SMCHD1: variants seen among roughly 807,000 people sequenced by gnomAD.
The protein encoded by SMCHD1 is structural maintenance of chromosomes flexible hinge domain-containing protein 1.
SMCHD1 carries 78 observed loss-of-function variants against 254.7 expected under a neutral mutation model. That is an observed-to-expected ratio of 0.31 (90% CI 0.26 to 0.37). The LOEUF (loss-of-function observed/expected upper bound fraction) is 0.37. Among genes scored for constraint, SMCHD1 ranks in the 10% least tolerant of loss-of-function variants. The pLI, the probability that SMCHD1 is intolerant of heterozygous loss-of-function variation, is 1.00. For missense variants in SMCHD1, 1,840 were observed against 2,408.1 expected, an observed-to-expected ratio of 0.76 and a Z score of 4.94; for synonymous variants, 766 against 794.9, an observed-to-expected ratio of 0.96 and a Z score of 0.61.
chr18:2,724,399 G>A lies in SMCHD1; in HGVS notation c.2604-500G>A, dbSNP rs570852727. On this transcript the variant is annotated intron_variant, in intron 20 of 47. Transcript: ENST00000320876. ...TGGAAGTAGATTAGGTGATGTCTTC[G>A]GTTTATGTCATCATAAGCCTGTCTG... Among the ~76,000 whole-genome samples, 50 of 151,646 alleles carry A rather than the reference G, an allele frequency of 3.3e-4. 1 individual carries two copies. The highest frequency in any genetic ancestry group is 3.0e-3 in the Admixed American group (46 of 15,190).
chr18:2,748,341 GTTGTGTGTGT>G (rs1568300324), intron 30 of SMCHD1, among the ~76,000 whole-genome samples: 15 of 100,344 alleles, frequency 1.5e-4, no homozygotes, highest in Admixed American at 4.1e-4. Flanking sequence ...TCTTTGCAAA[GTTGTGTGTGT>G]GTGTGTGTGT....
At chr18:2,735,999 C>A (rs1346784974) in intron 25 of SMCHD1, among the ~76,000 whole-genome samples, 2 of 152,236 alleles carry the variant, frequency 1.3e-5, no homozygotes, top group African/African-American at 4.8e-5. Flanking sequence ...CACTACCCAT[C>A]TTCAAACTGT....
chr18:2,791,016 A>G (rs2076310567), intron 45 of SMCHD1, among the ~76,000 whole-genome samples: 1 of 152,238 alleles, frequency 6.6e-6, no homozygotes, highest in Non-Finnish European at 1.5e-5. Flanking sequence ...CAAGGTAATC[A>G]AAGATGAAAA....
At chr18:2,712,423 C>T (rs764691680) in intron 17 of SMCHD1, among the ~76,000 whole-genome samples, 4 of 152,072 alleles carry the variant, frequency 2.6e-5, no homozygotes, top group South Asian at 2.1e-4. Context: ...TACAGTTGAC[C>T]GTTGAAAAAC....
intron 34 of SMCHD1, chr18:2,760,264 A>G (rs2143680818): frequency 6.1e-6 from 1 of 162,830 alleles, no homozygotes; most frequent in African/African-American, 2.4e-5. Flanking sequence ...AAAAAGTTAC[A>G]TAGAAGATCA....
chr18:2,672,190 G>C (rs2073625310), intron 3 of SMCHD1, among the ~76,000 whole-genome samples: 1 of 152,058 alleles, frequency 6.6e-6, no homozygotes, highest in Non-Finnish European at 1.5e-5. Flanking sequence ...GGAGTGTTTA[G>C]GGTGAGTAGA....
rs754679117 is a variant in SMCHD1 at position 2,697,859 on chromosome 18, C to T, written c.1160C>T (p.Pro387Leu). 4 of 1,612,412 alleles carry T rather than the reference C, an allele frequency of 2.5e-6. No individual in the cohort carries two copies. Among genetic ancestry groups the T allele is most frequent in the South Asian group, 1.1e-5 (1 of 91,018 alleles). The stretch of plus-strand genomic sequence containing the variant: ...TCTATGTTTGAAAAAGGGAAGGTAC[C>T]TAAGATTGTCAACCTAAGGGAAATA... ...EISMFEKGKV[P>L]KIVNLREIQD... is the part of the protein sequence containing the mutation. The change falls in exon 10 of 48, where the codon CCT (proline) becomes CTT (leucine). Residue 387 changes from proline to leucine, a missense_variant. This residue lies in a region of SMCHD1 where 498 missense variants were observed against 743.5 expected (regional missense o/e 0.67). Coordinates refer to ENST00000320876, the MANE Select transcript of SMCHD1 (RefSeq NM_015295.3).
At chr18:2,772,456 A>AC (rs1174584580) in intron 41 of SMCHD1, 84 bp downstream of exon 41, 2 of 1,190,736 alleles carry the variant, frequency 1.7e-6, no homozygotes, top group Non-Finnish European at 2.2e-6. Flanking sequence ...GTGACAAAAA[A>AC]GTGTCAGGTT....
At chr18:2,796,226 C>T in intron 46 of SMCHD1, 119 bp downstream of exon 46, 1 of 1,018,104 alleles carries the variant, frequency 9.8e-7, no homozygotes, top group Non-Finnish European at 1.4e-6. Flanking sequence ...AACAAAAACT[C>T]TTAACCTCCA....
At chr18:2,770,688 C>G (rs532324557) in intron 39 of SMCHD1, among the ~76,000 whole-genome samples, 1 of 152,050 alleles carries the variant, frequency 6.6e-6, no homozygotes, top group South Asian at 2.1e-4. Flanking sequence ...GTGGCACGAT[C>G]TCACTCACTG....
intron 25 of SMCHD1, among the ~76,000 whole-genome samples, chr18:2,733,684 G>A (rs997242508): frequency 1.5e-4 from 23 of 152,170 alleles, no homozygotes; most frequent in African/African-American, 5.6e-4. Flanking sequence ...TGCTTAAATT[G>A]TTTACTGATA....
intron 34 of SMCHD1, among the ~76,000 whole-genome samples, chr18:2,755,195 C>T (rs2075650064): frequency 6.6e-6 from 1 of 152,144 alleles, no homozygotes; most frequent in Non-Finnish European, 1.5e-5. Context: ...GCTGGGACTA[C>T]AGACCCACAG....
intron 19 of SMCHD1, among the ~76,000 whole-genome samples, chr18:2,720,569 G>A (rs1442344): frequency 0.2 from 30,858 of 152,010 alleles, 3,364 homozygotes; most frequent in South Asian, 0.33. Flanking sequence ...TTTAGGTCTT[G>A]TCTCTTTGGC....
chr18:2,718,843 G>A lies in SMCHD1; in HGVS notation c.2458+409G>A, dbSNP rs1427403507. On this transcript the variant is annotated intron_variant, in intron 19 of 47. Coordinates refer to ENST00000320876, the MANE Select transcript of SMCHD1 (RefSeq NM_015295.3). This position sits in a 1 kb window ranked among gnomAD's most constrained non-coding sequence, Gnocchi z 4.6. Reference sequence around the variant, plus strand: ...GCTGGGATTACAGATGTGAGCCACCGTGCCCGGCCCATTTTGATTTTCAAA... The same window carrying A: ...GCTGGGATTACAGATGTGAGCCACCATGCCCGGCCCATTTTGATTTTCAAA... Among the ~76,000 whole-genome samples the A allele has an allele frequency of 3.3e-5, 5 of 152,018 alleles. No individual in the cohort carries two copies. Among genetic ancestry groups the A allele is most frequent in the African/African-American group, 9.7e-5 (4 of 41,400 alleles).
chr18:2,707,916 A>G lies in SMCHD1; in HGVS notation c.2256A>G (p.Leu752=), dbSNP rs753476992. Residue 752 remains leucine (L), a synonymous_variant, in exon 17 of 48, where the codon TTA becomes TTG. Coordinates refer to ENST00000320876, the MANE Select transcript of SMCHD1 (RefSeq NM_015295.3). ...KKLLVELKVI[L]HSSSGNKEII... ...TCCTGGTTGAGCTCAAAGTTATTTT[A>G]CATTGTAAGTATACAAACTAATTTA... The G allele has an allele frequency of 6.4e-7, 1 of 1,570,536 alleles. No individual in the cohort carries two copies. The highest frequency in any genetic ancestry group is 8.7e-7 in the Non-Finnish European group (1 of 1,152,994).
chr18:2,701,956 T>G (rs2074410752), intron 12 of SMCHD1, among the ~76,000 whole-genome samples: 1 of 151,938 alleles, frequency 6.6e-6, no homozygotes, highest in African/African-American at 2.4e-5. Flanking sequence ...TCATAGAAGA[T>G]TAGGACACTT....
chr18:2,782,117 T>G (rs1237803455), intron 44 of SMCHD1, among the ~76,000 whole-genome samples: 1 of 152,248 alleles, frequency 6.6e-6, no homozygotes, highest in Admixed American at 6.5e-5. Context: ...CATATGTAAC[T>G]TTGCCAATCA....
At chr18:2,671,000 G>T (rs2073582386) in intron 3 of SMCHD1, among the ~76,000 whole-genome samples, 1 of 146,302 alleles carries the variant, frequency 6.8e-6, no homozygotes, top group Non-Finnish European at 1.5e-5. Flanking sequence ...GCAATGGCGT[G>T]ATCTCGGCTC....
Position 2,718,007 on chromosome 18 carries a change from C to T in SMCHD1, c.2261-151C>T, listed in dbSNP as rs2074840946. The T allele has an allele frequency of 7.1e-6, 4 of 561,852 alleles. No individual in the cohort carries two copies. The highest frequency in any genetic ancestry group is 1.9e-5 in the African/African-American group (1 of 53,412). The allele number at this position is 561,852 out of a possible 1,614,324, so 34.8% of individuals were successfully genotyped here. A position where few individuals can be genotyped will look rare whatever the true frequency, so the allele number is the denominator to read the frequency against. ...AGAGTTAACTATTATTATTGCTGTT[C>T]ACTTTCATAGGATAGTGTTAGATCT... On this transcript the variant is annotated intron_variant, in intron 17 of 47. Transcript: ENST00000320876. The surrounding 1 kb of genome is among the most constrained non-coding windows in gnomAD (Gnocchi z 4.6).
Sources: gnomAD v4.1 joint callset for allele counts (sites outside exome capture counted in the v4.1 genomes callset) on GRCh38, gnomAD v4.1.1 for gene constraint, gnomAD v4.1.1 regional missense constraint, Gnocchi (gnomAD v3.1) non-coding constraint, MANE v1.5 for transcripts, NCBI Gene and HGNC (gene_info 2026-07-23, HGNC 2026-07-21) for gene names.